Variants in JAKMIP1 observed in about 807,000 individuals in gnomAD.
JAKMIP1 encodes janus kinase and microtubule-interacting protein 1.
A neutral mutation model predicts 113.0 loss-of-function variants in JAKMIP1; 33 were observed. That is an observed-to-expected ratio of 0.29 (90% CI 0.22 to 0.39). JAKMIP1 has a LOEUF of 0.39. JAKMIP1 is among the 10% of genes least tolerant of loss of function. JAKMIP1 has a pLI of 1.00. For missense variants in JAKMIP1, 813 were observed against 1,080.5 expected, an observed-to-expected ratio of 0.75 and a Z score of 3.47; for synonymous variants, 480 against 459.9, an observed-to-expected ratio of 1.04 and a Z score of -0.56.
At chr4:6,030,398 A>T (rs938398330) in intron 19 of JAKMIP1, among the ~76,000 whole-genome samples, 3 of 151,236 alleles carry the variant, frequency 2.0e-5, no homozygotes, top group African/African-American at 7.3e-5. Flanking sequence ...GCCTCAGGAA[A>T]CCCCTCAGTC....
rs1721802883 is a variant in JAKMIP1, at chr4:6,153,073, C to T, written c.-147-40076G>A. Among the ~76,000 whole-genome samples, 1 of 152,128 alleles carries T rather than the reference C, an allele frequency of 6.6e-6. No individual in the cohort carries two copies. The highest frequency in any genetic ancestry group is 3.2e-3 in the Middle Eastern group (1 of 316). The stretch of plus-strand genomic sequence containing the variant: ...CAGTCTGTTTTTCTGTGACCAGCCC[C>T]ACCCATGCACATCCCCCTCCCCTAC... On this transcript the variant is annotated intron_variant, in intron 1 of 20. Coordinates refer to ENST00000409021, the MANE Select transcript of JAKMIP1 (RefSeq NM_001099433.2). This position sits in a 1 kb window ranked among gnomAD's most constrained non-coding sequence, Gnocchi z 4.9.
Position 6,135,343 on chromosome 4 carries a change from A to G in JAKMIP1, c.-147-22346T>C, listed in dbSNP as rs1165497444. 1.3e-5 allele frequency among the ~76,000 whole-genome samples: 2 copies of G among 152,162 alleles called. No individual in the cohort carries two copies. The highest frequency in any genetic ancestry group is 6.5e-5 in the Admixed American group (1 of 15,286). On this transcript the variant is annotated intron_variant, in intron 1 of 20. Coordinates refer to ENST00000409021, the MANE Select transcript of JAKMIP1 (RefSeq NM_001099433.2). The surrounding 1 kb of genome is among the most constrained non-coding windows in gnomAD (Gnocchi z 4.9). The stretch of plus-strand genomic sequence containing the variant: ...CATAGAAGGAAGACCATGTGAGGAC[A>G]TGGGGAGAAGACGGCCGTCTACAAG...
intron 1 of JAKMIP1, among the ~76,000 whole-genome samples, chr4:6,182,802 G>T (rs7690807): frequency 6.6e-6 from 1 of 152,094 alleles, no homozygotes; most frequent in Non-Finnish European, 1.5e-5. Flanking sequence ...TGTGAGTTTC[G>T]GAAACATATC....
At chr4:6,101,843 T>C (rs977712010) in intron 3 of JAKMIP1, among the ~76,000 whole-genome samples, 3 of 150,066 alleles carry the variant, frequency 2.0e-5, no homozygotes, top group Non-Finnish European at 4.4e-5. Flanking sequence ...GAGGCAGAAG[T>C]TGCAGTGAGT....
In JAKMIP1 at chr4:6,042,049, G is replaced by C; in HGVS notation, c.2097+110C>G. ...CAACCACTGGGGCAAAAGCAAAATT[G>C]AGAAATGCATGCAAATCATTAGGAA... On this transcript the variant is annotated intron_variant, in intron 17 of 20. Transcript: ENST00000409021. The surrounding 1 kb of genome is among the most constrained non-coding windows in gnomAD (Gnocchi z 5.2). 2 of 888,970 alleles carry C rather than the reference G, an allele frequency of 2.2e-6. No individual in the cohort carries two copies. Among genetic ancestry groups the C allele is most frequent in the South Asian group, 1.5e-5 (1 of 66,324 alleles). The allele number at this position is 888,970 out of a possible 1,614,324, so 55.1% of individuals were successfully genotyped here.
chr4:6,033,309 T>C (rs1030953343), intron 19 of JAKMIP1, among the ~76,000 whole-genome samples: 4 of 152,166 alleles, frequency 2.6e-5, no homozygotes, highest in Admixed American at 2.0e-4. Flanking sequence ...GGGTAGCTAG[T>C]GCTTGGGCCA....
intron 1 of JAKMIP1, among the ~76,000 whole-genome samples, chr4:6,182,212 C>T (rs1342617495): frequency 6.6e-6 from 1 of 151,674 alleles, no homozygotes; most frequent in Non-Finnish European, 1.5e-5. Context: ...CAGTTCAAGA[C>T]CAGCTTGGGC....
intron 2 of JAKMIP1, among the ~76,000 whole-genome samples, chr4:6,109,185 T>C (rs534092546): frequency 1.5e-5 from 2 of 136,190 alleles, no homozygotes; most frequent in East Asian, 4.4e-4. Context: ...CAGGCTGGAG[T>C]GCAGTGGCAC....
At position 6,193,495 on chromosome 4, in the gene JAKMIP1, T is replaced by C. The variant is rs940085795; in HGVS notation, c.-148+6758A>G. ...GTCTGGGCCAGGGTAGGGATGAACA[T>C]TCCAGGCAGCAAGCAGCTCACACAA... On this transcript the variant is annotated intron_variant, in intron 1 of 20. Coordinates refer to ENST00000409021, the MANE Select transcript of JAKMIP1 (RefSeq NM_001099433.2). The surrounding 1 kb of genome is among the most constrained non-coding windows in gnomAD (Gnocchi z 6.4). Among the ~76,000 whole-genome samples, 3 of 152,124 alleles carry C rather than the reference T, an allele frequency of 2.0e-5. No homozygotes were observed. The highest frequency in any genetic ancestry group is 7.2e-5 in the African/African-American group (3 of 41,436).
chr4:6,170,254 C>G (rs894547412), intron 1 of JAKMIP1, among the ~76,000 whole-genome samples: 6 of 148,838 alleles, frequency 4.0e-5, no homozygotes, highest in African/African-American at 1.5e-4. Context: ...CTCCCCCCAC[C>G]CTTCTCACCA....
chr4:6,102,722 CTTTTTTTT>C lies in JAKMIP1; in HGVS notation c.624+2743_624+2750del, dbSNP rs1191358910. 3.1e-4 allele frequency among the ~76,000 whole-genome samples: 16 copies of C among 50,836 alleles called. No homozygotes were observed. In the East Asian group the frequency reaches 5.1e-3, roughly 16 times the overall value. The allele number at this position is 50,836 out of a possible 152,430, so 33.4% of individuals were successfully genotyped here. A position where few individuals can be genotyped will look rare whatever the true frequency, so the allele number is the denominator to read the frequency against. Reference sequence around the variant, plus strand: ...TCCCTTTTTTCTCCCTCTCTAAAGACTTTTTTTTTTTTTTTTTTTTTTTTTTTTTGAGA... The same window carrying C: ...TCCCTTTTTTCTCCCTCTCTAAAGACTTTTTTTTTTTTTTTTTTTTTGAGA... On this transcript the variant is annotated intron_variant, in intron 3 of 20. Coordinates refer to ENST00000409021, the MANE Select transcript of JAKMIP1 (RefSeq NM_001099433.2).
intron 1 of JAKMIP1, among the ~76,000 whole-genome samples, chr4:6,126,215 C>T (rs371430671): frequency 3.0e-4 from 44 of 145,570 alleles, no homozygotes; most frequent in East Asian, 1.1e-3. Context: ...ACACACCATG[C>T]GGAAACACAC....
intron 3 of JAKMIP1, among the ~76,000 whole-genome samples, chr4:6,102,893 C>G (rs1404124102): frequency 1.3e-5 from 2 of 151,658 alleles, no homozygotes; most frequent in African/African-American, 4.8e-5. Flanking sequence ...ACCACTGCAC[C>G]CCGCTAATTT....
chr4:6,145,610 A>G (rs1277315213), intron 1 of JAKMIP1, among the ~76,000 whole-genome samples: 1 of 152,220 alleles, frequency 6.6e-6, no homozygotes, highest in Admixed American at 6.5e-5. Flanking sequence ...ATTATTCACA[A>G]TAGCCAAGAG....
chr4:6,064,375 G>C lies in JAKMIP1; in HGVS notation c.1431+505C>G, dbSNP rs991027472. Among the ~76,000 whole-genome samples the C allele has an allele frequency of 6.6e-6, 1 of 152,198 alleles. No homozygotes were observed. Among genetic ancestry groups the C allele is most frequent in the Non-Finnish European group, 1.5e-5 (1 of 68,032 alleles). On this transcript the variant is annotated intron_variant, in intron 9 of 20. Coordinates refer to ENST00000409021, the MANE Select transcript of JAKMIP1 (RefSeq NM_001099433.2). The surrounding 1 kb of genome is among the most constrained non-coding windows in gnomAD (Gnocchi z 4.3). The stretch of plus-strand genomic sequence containing the variant: ...AGATGGGCACAGGTGGTCAGGACAG[G>C]GTGAGGCGGTGACCTTGGGGTGATG...
chr4:6,185,413 C>A lies in JAKMIP1; in HGVS notation c.-148+14840G>T, dbSNP rs913114327. On this transcript the variant is annotated intron_variant, in intron 1 of 20. Transcript: ENST00000409021. This position sits in a 1 kb window ranked among gnomAD's most constrained non-coding sequence, Gnocchi z 5.3. The stretch of plus-strand genomic sequence containing the variant: ...CTGTAATCCCAGCACTTTGGGAGGC[C>A]GAGGTGGGCGGATCATGAGGTCAGG... Among the ~76,000 whole-genome samples the A allele has an allele frequency of 1.3e-5, 2 of 151,856 alleles. No individual in the cohort carries two copies. Among genetic ancestry groups the A allele is most frequent in the Admixed American group, 1.3e-4 (2 of 15,234 alleles).
intron 16 of JAKMIP1, among the ~76,000 whole-genome samples, chr4:6,043,695 C>G (rs1163092997): frequency 7.0e-6 from 1 of 142,714 alleles, no homozygotes; most frequent in Non-Finnish European, 1.5e-5. Flanking sequence ...ACCCCCCATT[C>G]CCCTTTCAGC....
chr4:6,082,579 C>T (rs868596401), intron 5 of JAKMIP1, among the ~76,000 whole-genome samples: 1 of 151,964 alleles, frequency 6.6e-6, no homozygotes, highest in Non-Finnish European at 1.5e-5. Flanking sequence ...TTTCAGCTCA[C>T]TGCAGCCTTG....
chr4:6,045,344 T>C (rs1714845930), intron 16 of JAKMIP1, among the ~76,000 whole-genome samples: 1 of 152,214 alleles, frequency 6.6e-6, no homozygotes, highest in African/African-American at 2.4e-5. Flanking sequence ...AGGTTCTCTG[T>C]GGGGCACGTG....
Sources: gnomAD v4.1 joint callset for allele counts (sites outside exome capture counted in the v4.1 genomes callset) on GRCh38, gnomAD v4.1.1 for gene constraint, Gnocchi (gnomAD v3.1) non-coding constraint, MANE v1.5 for transcripts, NCBI Gene and HGNC (gene_info 2026-07-23, HGNC 2026-07-21) for gene names.